The following HEPACAM2 variants were observed in gnomAD, a reference collection of about 807,000 sequenced individuals.
HEPACAM2 encodes mitotic kinetics regulator.
HEPACAM2 carries 49 observed loss-of-function variants against 49.6 expected under a neutral mutation model. The observed-to-expected ratio is 0.99, with a 90% CI of 0.78 to 1.25. The LOEUF (loss-of-function observed/expected upper bound fraction) is 1.25, where lower values mean the gene tolerates loss of function less well. HEPACAM2 is among the 50% of genes most tolerant of loss of function. The pLI is 0.00. For synonymous variants in HEPACAM2, 197 were observed against 202.9 expected (o/e 0.97, Z 0.25); for missense variants, 525 against 557.2 (o/e 0.94, Z 0.58).
At chr7:93,218,587 G>A (rs1279323622) in intron 2 of HEPACAM2, among the ~76,000 whole-genome samples, 1 of 152,114 alleles carries the variant, frequency 6.6e-6, no homozygotes, top group East Asian at 1.9e-4. Flanking sequence ...TTTTACATAT[G>A]TCACTTATTT....
At chr7:93,218,073 G>A (rs1794354174) in intron 2 of HEPACAM2, among the ~76,000 whole-genome samples, 1 of 152,058 alleles carries the variant, frequency 6.6e-6, no homozygotes, top group Non-Finnish European at 1.5e-5. Flanking sequence ...AGGCCCTGAG[G>A]AGGAGTGTGT....
At chr7:93,219,005 T>C (rs916744610) in intron 2 of HEPACAM2, 96 bp downstream of exon 2, 1 of 1,010,802 alleles carries the variant, frequency 9.9e-7, no homozygotes, top group African/African-American at 1.6e-5. Flanking sequence ...TGCAAAGTTG[T>C]GAAGCCAAGA....
intron 3 of HEPACAM2, among the ~76,000 whole-genome samples, chr7:93,212,219 T>A (rs1285270973): frequency 6.6e-6 from 1 of 152,094 alleles, no homozygotes; most frequent in Non-Finnish European, 1.5e-5. Context: ...AAAATACCTT[T>A]AAAGAAAGTA....
chr7:93,219,721 G>C (rs1794407679), intron 1 of HEPACAM2: 1 of 498,740 alleles, frequency 2.0e-6, no homozygotes, highest in Non-Finnish European at 3.5e-6. Context: ...ACGGAATAAT[G>C]GGAAAAGGAG....
At chr7:93,201,018 G>A (rs1793868232) in intron 4 of HEPACAM2, among the ~76,000 whole-genome samples, 1 of 152,102 alleles carries the variant, frequency 6.6e-6, no homozygotes, top group African/African-American at 2.4e-5. Flanking sequence ...TGGGATGTGG[G>A]AGGAAGCTGG....
chr7:93,208,789 A>C lies in HEPACAM2; in HGVS notation c.803T>G (p.Phe268Cys). The C allele has an allele frequency of 6.2e-7, 1 of 1,613,088 alleles. No individual in the cohort carries two copies. The highest frequency in any genetic ancestry group is 8.5e-7 in the Non-Finnish European group (1 of 1,179,362). ...GGGATGAGAATCAGCAGAACAATCA[A>C]ATAGGATGGCCTCTCCAAGGTCAAC... ...FTVDLGEAILFDCSADSHPPN... is the reference protein window; with the variant it reads ...FTVDLGEAILCDCSADSHPPN... The change falls in exon 4 of 10, where the codon TTT becomes TGT. Residue 268 changes from phenylalanine (F) to cysteine (C), a missense_variant. Coordinates refer to ENST00000394468, the MANE Select transcript of HEPACAM2 (RefSeq NM_001039372.4).
chr7:93,213,087 C>T lies in HEPACAM2; in HGVS notation c.715+2314G>A, dbSNP rs530042193. On this transcript the variant is annotated intron_variant, in intron 3 of 9. Coordinates refer to ENST00000394468, the MANE Select transcript of HEPACAM2 (RefSeq NM_001039372.4). ...AAATTTACATCATGATGCTGTTTGCCGCCCTGCTTGGGAGCAGATGGTAAG... is the reference window on the plus strand; with the variant it reads ...AAATTTACATCATGATGCTGTTTGCTGCCCTGCTTGGGAGCAGATGGTAAG... Among the ~76,000 whole-genome samples the T allele has an allele frequency of 3.2e-3, 481 of 151,868 alleles. 2 individuals are homozygous for T. The highest frequency in any genetic ancestry group is 4.5e-3 in the Non-Finnish European group (308 of 67,928).
intron 8 of HEPACAM2, among the ~76,000 whole-genome samples, chr7:93,194,924 T>TA (rs1793650174): frequency 6.9e-6 from 1 of 144,988 alleles, no homozygotes; most frequent in African/African-American, 2.6e-5. Flanking sequence ...AAAAGATCTT[T>TA]TTTTTTTTTT....
chr7:93,220,438 A>G (rs1794425620), intron 1 of HEPACAM2, among the ~76,000 whole-genome samples: 1 of 152,212 alleles, frequency 6.6e-6, no homozygotes, highest in East Asian at 1.9e-4. Context: ...AACAAAGAGG[A>G]TGCCAAGCTT....
chr7:93,225,857 A>AT, intron 1 of HEPACAM2: 3 of 1,131,024 alleles, frequency 2.7e-6, no homozygotes, highest in South Asian at 1.7e-5. Context: ...TGTGTAGGAA[A>AT]TTTTTTTGTT....
At chr7:93,213,910 G>A (rs1332020180) in intron 3 of HEPACAM2, among the ~76,000 whole-genome samples, 2 of 152,014 alleles carry the variant, frequency 1.3e-5, no homozygotes, top group African/African-American at 4.8e-5. Flanking sequence ...CACCAACCAA[G>A]GCACATATTC....
intron 7 of HEPACAM2, among the ~76,000 whole-genome samples, chr7:93,196,489 G>T (rs949245031): frequency 4.6e-5 from 7 of 152,088 alleles, no homozygotes; most frequent in Admixed American, 2.0e-4. Flanking sequence ...TCACTTATAA[G>T]TCAGGAAGGG....
intron 4 of HEPACAM2, among the ~76,000 whole-genome samples, chr7:93,204,069 GA>G (rs1321493691): frequency 2.0e-5 from 3 of 152,224 alleles, no homozygotes; most frequent in African/African-American, 7.2e-5. Context: ...TTTCCAGATA[GA>G]AAAAATTAGT....
chr7:93,212,495 A>G (rs898305997), intron 3 of HEPACAM2, among the ~76,000 whole-genome samples: 1 of 151,788 alleles, frequency 6.6e-6, no homozygotes, highest in African/African-American at 2.4e-5. Context: ...TTATCTGTTT[A>G]TATAAGAAAT....
intron 4 of HEPACAM2, among the ~76,000 whole-genome samples, chr7:93,198,169 G>A (rs887231175): frequency 2.0e-5 from 3 of 152,094 alleles, no homozygotes; most frequent in African/African-American, 7.2e-5. Flanking sequence ...TAGGATGTAT[G>A]TGTGATTTTT....
At chr7:93,197,101 G>A (rs1793744974) in intron 7 of HEPACAM2, 140 bp downstream of exon 7, 2 of 479,414 alleles carry the variant, frequency 4.2e-6, no homozygotes, top group East Asian at 9.3e-5. Context: ...TAAAGTGAAG[G>A]CACTAACTCA....
chr7:93,223,343 T>A (rs1228863356), intron 1 of HEPACAM2, among the ~76,000 whole-genome samples: 1 of 152,142 alleles, frequency 6.6e-6, no homozygotes, highest in Non-Finnish European at 1.5e-5. Flanking sequence ...TGACCCAGAA[T>A]GTTGAATCTT....
chr7:93,225,842 C>A, intron 1 of HEPACAM2: 1 of 887,696 alleles, frequency 1.1e-6, no homozygotes, highest in Non-Finnish European at 1.7e-6. Context: ...ATACGTTCTC[C>A]CTTTTGTGTA....
Position 93,208,647 on chromosome 7 carries a change from G to A in HEPACAM2, c.945C>T (p.Cys315=). The change falls in exon 4 of 10, where the codon TGC becomes TGT. Residue 315 remains cysteine, a synonymous_variant. Transcript: ENST00000394468. The part of the protein sequence containing the change: ...KVAQKTMDYV[C]CAYNNITGRQ... ...TGCCGGTTATGTTGTTGTAAGCACA[G>A]CACACATAGTCCATTGTCTTCTGGG... 1 of 1,613,144 alleles carries A rather than the reference G, an allele frequency of 6.2e-7. No homozygotes were observed. The highest frequency in any genetic ancestry group is 1.7e-4 in the Middle Eastern group (1 of 6,048).
Sources: allele counts gnomAD v4.1 joint callset (sites outside exome capture counted in the v4.1 genomes callset), GRCh38; gene constraint gnomAD v4.1.1; transcripts MANE v1.5; gene names NCBI Gene and HGNC (gene_info 2026-07-23, HGNC 2026-07-21).